NBAS: variants seen among roughly 807,000 people sequenced by gnomAD.
The protein encoded by NBAS is NBAS subunit of NRZ tethering complex.
A neutral mutation model predicts 302.5 loss-of-function variants in NBAS; 219 were observed. That is an observed-to-expected ratio of 0.72 (90% CI 0.65 to 0.81). The LOEUF (loss-of-function observed/expected upper bound fraction) is 0.81, where lower values mean the gene tolerates loss of function less well. Ranked by LOEUF, NBAS falls within the 30% of genes least tolerant of loss-of-function variation. The pLI is 0.00. For synonymous variants in NBAS, 1,118 were observed against 1,021.6 expected, an observed-to-expected ratio of 1.09 and a Z score of -1.80; for missense variants, 2,932 against 2,841.6, an observed-to-expected ratio of 1.03 and a Z score of -0.72.
At chr2:15,063,588 A>C in the NBAS span, among the ~76,000 whole-genome samples, 1 of 152,106 alleles carries the variant, frequency 6.6e-6, no homozygotes, top group Non-Finnish European at 1.5e-5. Flanking sequence ...TCAGAATGGG[A>C]GTGTATTTGT....
At chr2:15,054,124 T>C in the NBAS span, among the ~76,000 whole-genome samples, 2,012 of 152,278 alleles carry the variant, frequency 0.013, 40 homozygotes, top group African/African-American at 0.046. Context: ...ATGCTACATT[T>C]GCTAATTTCT....
intron 42 of NBAS, among the ~76,000 whole-genome samples, chr2:15,277,910 C>A (rs1669658535): frequency 6.6e-6 from 1 of 152,076 alleles, no homozygotes; most frequent in Non-Finnish European, 1.5e-5. Flanking sequence ...AATCTCAATG[C>A]CCCTTACGTG....
the NBAS span, among the ~76,000 whole-genome samples, chr2:14,904,771 C>T: frequency 3.3e-5 from 5 of 152,292 alleles, no homozygotes; most frequent in South Asian, 6.2e-4. Context: ...AACTCTAGGC[C>T]GGGCGCGGTG....
chr2:15,172,035 A>AT lies in NBAS; in HGVS notation c.6841-4713_6841-4712insA, dbSNP rs1466541207. 1.1e-4 allele frequency among the ~76,000 whole-genome samples: 16 copies of AT among 152,310 alleles called. 1 individual carries two copies. The highest frequency in any genetic ancestry group is 1.0e-3 in the Admixed American group (16 of 15,294). ...ATTAATACATCAGGCAAAGTATCTG[A>AT]AACATTTTTTTGGTTCTAAATATGA... On this transcript the variant is annotated intron_variant, in intron 51 of 51. Transcript: ENST00000281513.
intron 32 of NBAS, among the ~76,000 whole-genome samples, chr2:15,360,823 C>G (rs1673878740): frequency 6.6e-6 from 1 of 152,114 alleles, no homozygotes; most frequent in Non-Finnish European, 1.5e-5. Context: ...GAGCTATCAT[C>G]TCCTATGATA....
intron 25 of NBAS, among the ~76,000 whole-genome samples, chr2:15,414,279 A>T (rs1258603896): frequency 2.6e-5 from 4 of 152,236 alleles, no homozygotes; most frequent in African/African-American, 7.2e-5. Flanking sequence ...ATGACCATGT[A>T]TCTTACCAGA....
At chr2:15,489,145 A>G (rs1680754149) in intron 11 of NBAS, 123 bp from the exon 12 acceptor site, 1 of 1,099,272 alleles carries the variant, frequency 9.1e-7, no homozygotes, top group African/African-American at 1.6e-5. Flanking sequence ...GAGTTCTGCC[A>G]GCTTCCTATC....
chr2:15,468,248 A>T, intron 17 of NBAS, 134 bp downstream of exon 17: 1 of 1,020,850 alleles, frequency 9.8e-7, no homozygotes, highest in Non-Finnish European at 1.5e-6. Context: ...TTCAGGTAAG[A>T]CAGTATTGAT....
At chr2:14,804,241 A>C in the NBAS span, among the ~76,000 whole-genome samples, 1 of 152,136 alleles carries the variant, frequency 6.6e-6, no homozygotes, top group African/African-American at 2.4e-5. Context: ...CTGTAAACAA[A>C]TGTTCTTCTC....
rs146921066 is a variant in NBAS, at chr2:15,499,543, A to T, written c.954+4602T>A. On this transcript the variant is annotated intron_variant, in intron 11 of 51. Coordinates refer to ENST00000281513, the MANE Select transcript of NBAS (RefSeq NM_015909.4). ...AACCAAATACCACATGTTCTTACTT[A>T]TAAGTAGGAGCTAAATGATGAGAAC... Among the ~76,000 whole-genome samples the T allele has an allele frequency of 4.8e-3, 737 of 152,324 alleles. 9 individuals carry two copies. Among genetic ancestry groups the T allele is most frequent in the African/African-American group, 0.017 (723 of 41,574 alleles).
chr2:14,802,797 C>T, the NBAS span, among the ~76,000 whole-genome samples: 1 of 141,612 alleles, frequency 7.1e-6, no homozygotes, highest in East Asian at 2.0e-4. Context: ...GAACAAAAAA[C>T]CAAACACCAC....
chr2:15,451,941 A>ATTTAATCTTAATATTAATTTCACCAGAAG (rs1679035810), intron 21 of NBAS, among the ~76,000 whole-genome samples: 1 of 152,034 alleles, frequency 6.6e-6, no homozygotes, highest in Non-Finnish European at 1.5e-5. Flanking sequence ...TCTAAAGCTT[A>ATTTAATCTTAATATTAATTTCACCAGAAG]TTTAATCTTA....
At chr2:15,559,804 A>G (rs1019966021) in intron 1 of NBAS, among the ~76,000 whole-genome samples, 5 of 152,230 alleles carry the variant, frequency 3.3e-5, no homozygotes, top group African/African-American at 7.2e-5. Flanking sequence ...TTTGGAATCA[A>G]TTTATGGTAA....
chr2:15,413,464 G>A (rs570980682), intron 25 of NBAS, among the ~76,000 whole-genome samples: 7 of 152,332 alleles, frequency 4.6e-5, no homozygotes, highest in Middle Eastern at 6.8e-3. Context: ...AGAAGTCACA[G>A]AAGGTTTCAT....
rs527956414 is a variant in NBAS, at chr2:15,167,420, T to C, written c.6841-97A>G. ...CTCCACTGGGCTGCCTTCATCATCA[T>C]TCATGCCCTGGCCTGGGTTTAAAAG... On this transcript the variant is annotated intron_variant, in intron 51 of 51. Transcript: ENST00000281513. The C allele has an allele frequency of 1.6e-5, 24 of 1,471,574 alleles. No individual in the cohort carries two copies. In the East Asian group the frequency reaches 5.2e-4, roughly 32 times the overall value. 91.2% of individuals were successfully genotyped at this position (1,471,574 alleles called of 1,614,324 possible). A position where few individuals can be genotyped will look rare whatever the true frequency, so the allele number is the denominator to read the frequency against.
chr2:15,249,343 C>T (rs915150310), intron 44 of NBAS, among the ~76,000 whole-genome samples: 1 of 152,256 alleles, frequency 6.6e-6, no homozygotes, highest in Non-Finnish European at 1.5e-5. Flanking sequence ...TTATGACAAA[C>T]CCACAGCCAA....
the NBAS span, among the ~76,000 whole-genome samples, chr2:14,956,005 G>T: frequency 6.6e-6 from 1 of 152,158 alleles, no homozygotes; most frequent in African/African-American, 2.4e-5. Context: ...TTGTCAGGCT[G>T]CAAATTTTCC....
At chr2:15,021,521 G>A in the NBAS span, among the ~76,000 whole-genome samples, 364 of 152,302 alleles carry the variant, frequency 2.4e-3, 1 homozygote, top group Middle Eastern at 3.4e-3. Context: ...CTTGAAGGAT[G>A]CATAGCATAC....
At chr2:14,846,735 A>C in the NBAS span, among the ~76,000 whole-genome samples, 2 of 152,148 alleles carry the variant, frequency 1.3e-5, no homozygotes, top group Non-Finnish European at 2.9e-5. Context: ...AAAGAGAATT[A>C]AGTTGTTATC....
Sources: allele counts gnomAD v4.1 joint callset (sites outside exome capture counted in the v4.1 genomes callset), GRCh38; gene constraint gnomAD v4.1.1; transcripts MANE v1.5; gene names NCBI Gene and HGNC (gene_info 2026-07-23, HGNC 2026-07-21).